The following FOXO1 variants were observed in gnomAD, a reference collection of about 807,000 sequenced individuals.
FOXO1 encodes the protein forkhead box protein O1.
A neutral mutation model predicts 44.1 loss-of-function variants in FOXO1; 6 were observed. The observed-to-expected ratio is 0.14, with a 90% CI of 0.07 to 0.27. The LOEUF is 0.27. FOXO1 is among the 10% of genes least tolerant of loss of function. FOXO1 has a pLI of 1.00. For synonymous variants in FOXO1, 380 were observed against 362.7 expected (o/e 1.05, Z -0.54); for missense variants, 737 against 888.8 (o/e 0.83, Z 2.17).
chr13:40,638,861 G>C (rs1877250339), intron 1 of FOXO1, among the ~76,000 whole-genome samples: 1 of 152,118 alleles, frequency 6.6e-6, no homozygotes, highest in Non-Finnish European at 1.5e-5. Flanking sequence ...GAAATGGAAG[G>C]AAGGGGGGCA....
At chr13:40,628,781 A>G (rs1324090095) in intron 1 of FOXO1, among the ~76,000 whole-genome samples, 1 of 152,166 alleles carries the variant, frequency 6.6e-6, no homozygotes, top group Admixed American at 6.5e-5. Context: ...ACCTTCACAC[A>G]TCCAAAGCCC....
chr13:40,662,201 T>C (rs985906436), intron 1 of FOXO1, among the ~76,000 whole-genome samples: 1 of 149,616 alleles, frequency 6.7e-6, no homozygotes, highest in East Asian at 1.9e-4. Context: ...AAAAAAGATA[T>C]TTATCTTTAA....
intron 1 of FOXO1, among the ~76,000 whole-genome samples, chr13:40,608,770 A>C (rs908364036): frequency 6.6e-6 from 1 of 152,200 alleles, no homozygotes; most frequent in African/African-American, 2.4e-5. Context: ...GTATTATATA[A>C]GAGGGTGGCA....
chr13:40,647,109 TA>T (rs528994032), intron 1 of FOXO1, among the ~76,000 whole-genome samples: 37 of 152,310 alleles, frequency 2.4e-4, no homozygotes, highest in African/African-American at 7.0e-4. Flanking sequence ...ATTAGTAAAG[TA>T]TCTGTACTAG....
At chr13:40,643,604 C>G (rs772026906) in intron 1 of FOXO1, among the ~76,000 whole-genome samples, 3 of 152,084 alleles carry the variant, frequency 2.0e-5, no homozygotes, top group Non-Finnish European at 4.4e-5. Flanking sequence ...CCAGAGCACC[C>G]TTATCAAACT....
chr13:40,646,053 G>A (rs1877497528), intron 1 of FOXO1, among the ~76,000 whole-genome samples: 1 of 149,264 alleles, frequency 6.7e-6, no homozygotes, highest in Non-Finnish European at 1.5e-5. Context: ...GGCAACAAGA[G>A]GGAAACTCCG....
intron 1 of FOXO1, chr13:40,618,854 C>T: frequency 3.8e-6 from 2 of 526,410 alleles, no homozygotes; most frequent in South Asian, 2.8e-5. Flanking sequence ...AGAGAAGAGG[C>T]CTGAGAACTC....
chr13:40,646,547 G>A (rs778108580), intron 1 of FOXO1, among the ~76,000 whole-genome samples: 8 of 151,956 alleles, frequency 5.3e-5, no homozygotes, highest in Admixed American at 3.3e-4. Context: ...ATTTCCCTCC[G>A]CTTCATCGAA....
chr13:40,567,543 T>G (rs1286566895), intron 1 of FOXO1, among the ~76,000 whole-genome samples: 1 of 152,130 alleles, frequency 6.6e-6, no homozygotes, highest in Non-Finnish European at 1.5e-5. Flanking sequence ...ACTATCCCCT[T>G]GCCTTCACCA....
Position 40,666,117 on chromosome 13 carries a change from A to G in FOXO1, c.96T>C (p.Phe32=). ...TGGAGGTGGCCGAGTTGGACTGGCT[A>G]AACTCCGGCCTGGGCAGCGGCCAGG... is the stretch of plus-strand genomic sequence containing the variant. ...SCTWPLPRPE[F]SQSNSATSSP... is the part of the protein sequence containing the mutation. The change falls in exon 1 of 3, where the codon TTT becomes TTC. Residue 32 remains phenylalanine, a synonymous_variant. Transcript: ENST00000379561. 2 of 1,440,412 alleles carry G rather than the reference A, an allele frequency of 1.4e-6. No individual in the cohort carries two copies. Among genetic ancestry groups the G allele is most frequent in the South Asian group, 1.4e-5 (1 of 73,530 alleles). 89.2% of individuals were successfully genotyped at this position (1,440,412 alleles called of 1,614,324 possible).
At chr13:40,586,478 C>G (rs1215776369) in intron 1 of FOXO1, among the ~76,000 whole-genome samples, 2 of 152,176 alleles carry the variant, frequency 1.3e-5, no homozygotes, top group Non-Finnish European at 2.9e-5. Context: ...TCACAGGCAA[C>G]AGAGGCACCC....
At chr13:40,646,388 G>A (rs1877512225) in intron 1 of FOXO1, among the ~76,000 whole-genome samples, 1 of 147,606 alleles carries the variant, frequency 6.8e-6, no homozygotes, top group African/African-American at 2.5e-5. Flanking sequence ...TCACCATATT[G>A]GCCAGGCTGG....
At chr13:40,564,427 G>T (rs1874178209) in intron 1 of FOXO1, among the ~76,000 whole-genome samples, 1 of 152,188 alleles carries the variant, frequency 6.6e-6, no homozygotes, top group African/African-American at 2.4e-5. Context: ...AACAGGAAAA[G>T]GTTTGCTGTG....
intron 1 of FOXO1, among the ~76,000 whole-genome samples, chr13:40,604,049 G>A (rs970456799): frequency 2.6e-5 from 4 of 152,060 alleles, no homozygotes; most frequent in Non-Finnish European, 4.4e-5. Context: ...TGATGGTGTC[G>A]CCACAGAAAT....
At chr13:40,605,631 C>A (rs779443255) in intron 1 of FOXO1, among the ~76,000 whole-genome samples, 4 of 152,158 alleles carry the variant, frequency 2.6e-5, no homozygotes, top group Non-Finnish European at 4.4e-5. Flanking sequence ...TGAAATTCTA[C>A]CTAAACTACA....
At position 40,572,098 on chromosome 13, in the gene FOXO1, G is replaced by A. The variant is rs149479215; in HGVS notation, c.631-11238C>T. Among the ~76,000 whole-genome samples, 1,163 of 152,216 alleles carry A rather than the reference G, an allele frequency of 7.6e-3. 19 individuals carry two copies. Among genetic ancestry groups the A allele is most frequent in the African/African-American group, 0.026 (1,078 of 41,534 alleles). On this transcript the variant is annotated intron_variant, in intron 1 of 2. Coordinates refer to ENST00000379561, the MANE Select transcript of FOXO1 (RefSeq NM_002015.4). ...AAATGTATATTCAAGGTATGTTCCC[G>A]AATTGTTTACAGAAGCCAGTGAAAA... is the stretch of plus-strand genomic sequence containing the variant.
intron 1 of FOXO1, among the ~76,000 whole-genome samples, chr13:40,638,292 G>A (rs1877226507): frequency 1.3e-5 from 2 of 152,062 alleles, no homozygotes; most frequent in African/African-American, 2.4e-5. Context: ...AGAACCTCTG[G>A]CATCACCATC....
intron 1 of FOXO1, among the ~76,000 whole-genome samples, chr13:40,602,902 C>T (rs534054170): frequency 2.9e-4 from 44 of 152,298 alleles, no homozygotes; most frequent in Admixed American, 1.4e-3. Flanking sequence ...CTGCAAGTTA[C>T]ACTACCATAA....
chr13:40,611,957 T>C (rs1876249066), intron 1 of FOXO1, among the ~76,000 whole-genome samples: 1 of 151,976 alleles, frequency 6.6e-6, no homozygotes, highest in Non-Finnish European at 1.5e-5. Context: ...GCCTTTAGTC[T>C]CAGCCACTGA....
Sources: gnomAD v4.1 joint callset for allele counts (sites outside exome capture counted in the v4.1 genomes callset) on GRCh38, gnomAD v4.1.1 for gene constraint, MANE v1.5 for transcripts, NCBI Gene and HGNC (gene_info 2026-07-23, HGNC 2026-07-21) for gene names.